Variants in RPSA2 observed in about 807,000 individuals in gnomAD.
The protein encoded by RPSA2 is small ribosomal subunit protein uS2B.
chr19:23,802,911 ATATATT>A, the RPSA2 span, among the ~76,000 whole-genome samples: 1 of 152,160 alleles, frequency 6.6e-6, no homozygotes, highest in African/African-American at 2.4e-5. Context: ...ACACCTGAAC[ATATATT>A]TATAAACAAG....
At chr19:23,855,527 T>C in the RPSA2 span, among the ~76,000 whole-genome samples, 1 of 152,146 alleles carries the variant, frequency 6.6e-6, no homozygotes, top group East Asian at 1.9e-4. Context: ...TCCACTTGTT[T>C]GTTTGTTTTG....
the RPSA2 span, among the ~76,000 whole-genome samples, chr19:23,811,602 C>G: frequency 6.6e-6 from 1 of 151,692 alleles, no homozygotes. Flanking sequence ...ATTTTAGATT[C>G]AGACATTTAG....
the RPSA2 span, among the ~76,000 whole-genome samples, chr19:23,867,433 T>C: frequency 6.6e-6 from 1 of 152,174 alleles, no homozygotes; most frequent in Non-Finnish European, 1.5e-5. Flanking sequence ...TTTAATAACC[T>C]AGGATTTAAA....
chr19:23,827,851 A>G, the RPSA2 span: 3 of 1,322,640 alleles, frequency 2.3e-6, no homozygotes, highest in Non-Finnish European at 1.1e-6. Context: ...TTCAGGGTGA[A>G]TGGACTGCTC....
At chr19:23,758,778 T>C in the RPSA2 span, 2 of 1,614,140 alleles carry the variant, frequency 1.2e-6, no homozygotes, top group Non-Finnish European at 1.7e-6. Flanking sequence ...CCTGGCGTCT[T>C]AGCTATGGAT....
the RPSA2 span, among the ~76,000 whole-genome samples, chr19:23,786,422 A>G: frequency 6.6e-6 from 1 of 151,886 alleles, no homozygotes; most frequent in Admixed American, 6.6e-5. Flanking sequence ...TGGATCCAGC[A>G]CCTCGGTGAT....
At chr19:23,774,881 T>G in the RPSA2 span, among the ~76,000 whole-genome samples, 1 of 152,192 alleles carries the variant, frequency 6.6e-6, no homozygotes, top group Admixed American at 6.5e-5. Flanking sequence ...GAGAAGATTG[T>G]GACATATCCC....
chr19:23,824,305 G>C, the RPSA2 span, among the ~76,000 whole-genome samples: 1 of 152,224 alleles, frequency 6.6e-6, no homozygotes, highest in African/African-American at 2.4e-5. Flanking sequence ...AGGCCTTGCA[G>C]CTGGTATACG....
At chr19:23,868,497 G>C in the RPSA2 span, among the ~76,000 whole-genome samples, 1 of 146,182 alleles carries the variant, frequency 6.8e-6, no homozygotes, top group Admixed American at 7.2e-5. Flanking sequence ...ACGTTACAAC[G>C]CATGTTGAGA....
chr19:23,859,399 TG>T, the RPSA2 span, among the ~76,000 whole-genome samples: 1 of 152,096 alleles, frequency 6.6e-6, no homozygotes, highest in Non-Finnish European at 1.5e-5. Flanking sequence ...GAGGCTGTGG[TG>T]GGCGAATCAC....
chr19:23,843,619 C>T, the RPSA2 span, among the ~76,000 whole-genome samples: 1 of 152,252 alleles, frequency 6.6e-6, no homozygotes, highest in East Asian at 1.9e-4. Context: ...CATGTTAGAT[C>T]ATTTGTTAGG....
At chr19:23,811,131 G>A in the RPSA2 span, among the ~76,000 whole-genome samples, 2 of 150,836 alleles carry the variant, frequency 1.3e-5, no homozygotes, top group African/African-American at 4.9e-5. Context: ...TGATTCTCCT[G>A]CCTCAGCCTC....
At chr19:23,800,365 C>T in the RPSA2 span, among the ~76,000 whole-genome samples, 1 of 151,932 alleles carries the variant, frequency 6.6e-6, no homozygotes, top group Non-Finnish European at 1.5e-5. Flanking sequence ...ATTGTGGTTT[C>T]TCTGGGGCTG....
At chr19:23,765,454 C>A in the RPSA2 span, among the ~76,000 whole-genome samples, 1 of 8,940 alleles carries the variant, frequency 1.1e-4, no homozygotes, top group East Asian at 0.014. Context: ...TACTGTGCAT[C>A]TATAAAAAAA....
the RPSA2 span, among the ~76,000 whole-genome samples, chr19:23,853,211 A>T: frequency 6.6e-6 from 1 of 152,270 alleles, no homozygotes; most frequent in Admixed American, 6.5e-5. Flanking sequence ...AAGCAGTATG[A>T]AAGAAACAGT....
chr19:23,868,096 T>C, the RPSA2 span, among the ~76,000 whole-genome samples: 8 of 152,332 alleles, frequency 5.3e-5, no homozygotes, highest in East Asian at 1.5e-3. Context: ...GACTGCTGCA[T>C]GACTTGAGAG....
the RPSA2 span, among the ~76,000 whole-genome samples, chr19:23,768,545 A>G: frequency 1.8e-5 from 2 of 111,434 alleles, no homozygotes; most frequent in Non-Finnish European, 3.8e-5. Context: ...TTTAAATGAC[A>G]TGTTTATTGT....
chr19:23,763,188 C>G, the RPSA2 span: 1 of 153,800 alleles, frequency 6.5e-6, no homozygotes, highest in African/African-American at 2.4e-5. Flanking sequence ...GTGAAACCAG[C>G]AGAACCGGCC....
At chr19:23,867,372 T>C in the RPSA2 span, among the ~76,000 whole-genome samples, 13 of 152,206 alleles carry the variant, frequency 8.5e-5, no homozygotes, top group Non-Finnish European at 1.5e-4. Context: ...TATCAATTTA[T>C]GGGGTCGAGA....
Sources: allele counts gnomAD v4.1 joint callset (sites outside exome capture counted in the v4.1 genomes callset), GRCh38; gene constraint gnomAD v4.1.1; transcripts MANE v1.5; gene names NCBI Gene and HGNC (gene_info 2026-07-23, HGNC 2026-07-21).